POLR2C: variants seen among roughly 807,000 people sequenced by gnomAD.
POLR2C encodes the protein RNA polymerase II subunit C, also known as DNA-directed RNA polymerase II subunit RPB3.
Under a neutral mutation model 41.7 loss-of-function variants are expected in POLR2C, and 36 were observed. The ratio of observed to expected loss-of-function variants is 0.86; its 90% CI spans 0.66 to 1.14. The LOEUF (loss-of-function observed/expected upper bound fraction) is 1.14. Ranked by LOEUF, POLR2C falls within the 50% of genes most tolerant of loss-of-function variation. POLR2C has a pLI of 0.00. For missense variants in POLR2C, 260 were observed against 350.4 expected, an observed-to-expected ratio of 0.74 and a Z score of 2.06; for synonymous variants, 133 against 137.8, an observed-to-expected ratio of 0.96 and a Z score of 0.25.
At chr16:57,468,816 T>G (rs551859614) in intron 4 of POLR2C, among the ~76,000 whole-genome samples, 1 of 152,040 alleles carries the variant, frequency 6.6e-6, no homozygotes, top group Non-Finnish European at 1.5e-5. Flanking sequence ...AACTATAGAG[T>G]GTGAAAGCAT....
At chr16:57,462,867 G>T (rs557004717) in intron 1 of POLR2C, 57 bp downstream of exon 1, 17 of 1,414,598 alleles carry the variant, frequency 1.2e-5, no homozygotes, top group African/African-American at 1.4e-5. Context: ...GCCCAAGCCG[G>T]GGCCCCGGGG....
chr16:57,465,321 A>C (rs989399335), intron 2 of POLR2C, among the ~76,000 whole-genome samples: 2 of 152,134 alleles, frequency 1.3e-5, no homozygotes, highest in African/African-American at 4.8e-5. Flanking sequence ...TCCTGGATTT[A>C]GTTGGTTCCA....
chr16:57,463,815 C>A (rs996133639), intron 2 of POLR2C: 23 of 326,458 alleles, frequency 7.0e-5, no homozygotes, highest in Admixed American at 3.4e-4. Flanking sequence ...TGGTGGCTCC[C>A]ACCTGTAATC....
intron 4 of POLR2C, 86 bp downstream of exon 4, chr16:57,466,313 C>CT: frequency 4.7e-6 from 4 of 856,420 alleles, no homozygotes; most frequent in Non-Finnish European, 7.6e-6. Flanking sequence ...TGGCATCCAG[C>CT]TTGAATACTG....
Position 57,469,363 on chromosome 16 carries a change from G to T in POLR2C, c.387+70G>T. The T allele has an allele frequency of 6.5e-7, 1 of 1,531,032 alleles. No homozygotes were observed. Among genetic ancestry groups the T allele is most frequent in the South Asian group, 1.1e-5 (1 of 89,042 alleles). The allele number at this position is 1,531,032 out of a possible 1,614,324, so 94.8% of individuals were successfully genotyped here. ...TCTCTGGCTGGCTCCAAGTGGGCCA[G>T]ACTGGGGTTGATCCTTAGAAAATGT... On this transcript the variant is annotated intron_variant, in intron 5 of 8. Coordinates refer to ENST00000219252, the MANE Select transcript of POLR2C (RefSeq NM_032940.3). This position sits in a 1 kb window ranked among gnomAD's most constrained non-coding sequence, Gnocchi z 5.8.
intron 4 of POLR2C, among the ~76,000 whole-genome samples, chr16:57,468,096 G>A (rs529322255): frequency 3.2e-4 from 48 of 152,276 alleles, no homozygotes; most frequent in Non-Finnish European, 5.1e-4. Context: ...TGCGACCTCA[G>A]CCTCTGGGCT....
rs748931688 is a variant in POLR2C, at chr16:57,466,040, A to T, written c.205+19A>T. ...AGGCTTGGTGAGTACTCCTTTTACT[A>T]GGAGGTTAAAGGGAGGGTATTGTGC... On this transcript the variant is annotated intron_variant, in intron 3 of 8. Coordinates refer to ENST00000219252, the MANE Select transcript of POLR2C (RefSeq NM_032940.3). 1 of 1,501,036 alleles carries T rather than the reference A, an allele frequency of 6.7e-7. No individual in the cohort carries two copies. Among genetic ancestry groups the T allele is most frequent in the Admixed American group, 1.7e-5 (1 of 59,862 alleles). 93.0% of individuals were successfully genotyped at this position (1,501,036 alleles called of 1,614,324 possible). A position where few individuals can be genotyped will look rare whatever the true frequency, so the allele number is the denominator to read the frequency against.
chr16:57,468,260 T>C (rs2030753791), intron 4 of POLR2C, among the ~76,000 whole-genome samples: 1 of 152,184 alleles, frequency 6.6e-6, no homozygotes, highest in Non-Finnish European at 1.5e-5. Context: ...CAAGCGATCC[T>C]CCCACCTCAG....
intron 8 of POLR2C, 142 bp downstream of exon 8, chr16:57,470,496 G>A (rs1453706805): frequency 5.4e-5 from 35 of 647,888 alleles, no homozygotes; most frequent in Non-Finnish European, 9.0e-5. Flanking sequence ...AACTAGACCT[G>A]TGGTATGTGC....
chr16:57,466,293 T>G, intron 4 of POLR2C, 66 bp downstream of exon 4: 1 of 1,061,874 alleles, frequency 9.4e-7, no homozygotes, highest in Admixed American at 2.3e-5. Flanking sequence ...AAGGGATTTT[T>G]CCTGACATTT....
chr16:57,463,621 T>C (rs1198787063), intron 2 of POLR2C: 1 of 454,320 alleles, frequency 2.2e-6, no homozygotes, highest in African/African-American at 2.0e-5. Context: ...TCCCATGCGG[T>C]GTTTGGTTTT....
chr16:57,463,005 G>C (rs1216141659), intron 1 of POLR2C, 24 bp from the exon 2 acceptor site: 3 of 1,608,516 alleles, frequency 1.9e-6, no homozygotes, highest in Non-Finnish European at 2.5e-6. Context: ...GCGCCTTCAC[G>C]CCCCTTGGCT....
intron 4 of POLR2C, among the ~76,000 whole-genome samples, chr16:57,467,749 T>A (rs1335015958): frequency 2.0e-5 from 3 of 152,242 alleles, no homozygotes; most frequent in Non-Finnish European, 4.4e-5. Flanking sequence ...ATAACTACAC[T>A]TTCATTGTGC....
rs2030699301 is a variant in POLR2C at position 57,465,994 on chromosome 16, C to G, written c.178C>G (p.His60Asp). The G allele has an allele frequency of 1.3e-6, 2 of 1,599,878 alleles. No homozygotes were observed. The highest frequency in any genetic ancestry group is 1.7e-6 in the Non-Finnish European group (2 of 1,167,184). ...GATTGATGCCAATTCCTCAGTTCTT[C>G]ATGATGAATTCATTGCTCACAGGCT... is the stretch of plus-strand genomic sequence containing the variant. Reference protein sequence around the residue: ...VQIDANSSVLHDEFIAHRLGL... With the variant: ...VQIDANSSVLDDEFIAHRLGL... Residue 60 changes from histidine (H) to aspartate (D), a missense_variant, in exon 3 of 9, where the codon CAT becomes GAT. His to Asp is a moderately conservative substitution (Grantham distance 81). Transcript: ENST00000219252.
In POLR2C at chr16:57,471,323, C is replaced by T. The variant is rs2030832401; in HGVS notation, c.*204C>T. ...TTAGGCAGGATAGGTCTTTACTGGCCCTGACTGCTGTTAATAATTGGCAGC... is the reference window on the plus strand; with the variant it reads ...TTAGGCAGGATAGGTCTTTACTGGCTCTGACTGCTGTTAATAATTGGCAGC... On this transcript the variant is annotated 3_prime_UTR_variant, in exon 9 of 9. Transcript: ENST00000219252. The T allele has an allele frequency of 3.6e-6, 2 of 556,316 alleles. No homozygotes were observed. The highest frequency in any genetic ancestry group is 6.4e-6 in the Non-Finnish European group (2 of 312,164). The allele number at this position is 556,316 out of a possible 1,614,324, so 34.5% of individuals were successfully genotyped here. A position where few individuals can be genotyped will look rare whatever the true frequency, so the allele number is the denominator to read the frequency against.
At position 57,470,143 on chromosome 16, in the gene POLR2C, AGGAGTGATGGCAGGCATTT is replaced by A; in HGVS notation, c.608+17_608+35del. 1 of 1,607,848 alleles carries A rather than the reference AGGAGTGATGGCAGGCATTT, an allele frequency of 6.2e-7. No individual in the cohort carries two copies. The highest frequency in any genetic ancestry group is 8.5e-7 in the Non-Finnish European group (1 of 1,177,136). On this transcript the variant is annotated intron_variant, in intron 7 of 8. Coordinates refer to ENST00000219252, the MANE Select transcript of POLR2C (RefSeq NM_032940.3). ...GCCCGAGGAATGGTATGTTCCCCTT[AGGAGTGATGGCAGGCATTT>A]GGGGTGGGTGTGGCATAGAAATGGC...
At chr16:57,470,926 G>C (rs763843933) in intron 8 of POLR2C, 49 bp from the exon 9 acceptor site, 2 of 1,597,364 alleles carry the variant, frequency 1.3e-6, no homozygotes, top group Non-Finnish European at 1.7e-6. Flanking sequence ...CCAGAGCTCG[G>C]GTCGGCCAGC....
chr16:57,467,275 G>A (rs2030732193), intron 4 of POLR2C, among the ~76,000 whole-genome samples: 1 of 152,358 alleles, frequency 6.6e-6, no homozygotes, highest in East Asian at 1.9e-4. Context: ...TGGAGCTAGT[G>A]TAATAAATAC....
chr16:57,468,377 C>CTG lies in POLR2C; in HGVS notation c.259-781_259-780dup, dbSNP rs1412629404. On this transcript the variant is annotated intron_variant, in intron 4 of 8. Transcript: ENST00000219252. Reference sequence around the variant, plus strand: ...GGTCTGGGTTGCCTTCCTACCTCACCTGTGTGTGACTGCAGACGACCTAGG... The same window carrying CTG: ...GGTCTGGGTTGCCTTCCTACCTCACCTGTGTGTGTGACTGCAGACGACCTAGG... 5.3e-5 allele frequency among the ~76,000 whole-genome samples: 8 copies of CTG among 152,190 alleles called. No individual in the cohort carries two copies. The East Asian group carries it at 1.5e-3, about 29-fold the overall frequency.
Sources: allele counts gnomAD v4.1 joint callset (sites outside exome capture counted in the v4.1 genomes callset), GRCh38; gene constraint gnomAD v4.1.1; non-coding constraint Gnocchi (gnomAD v3.1); transcripts MANE v1.5; gene names NCBI Gene and HGNC (gene_info 2026-07-23, HGNC 2026-07-21).